PITPNM3: variants seen among roughly 807,000 people sequenced by gnomAD.
The protein encoded by PITPNM3 is PITPNM family member 3, also known as membrane-associated phosphatidylinositol transfer protein 3.
Under a neutral mutation model 102.0 loss-of-function variants are expected in PITPNM3, and 26 were observed. That is an observed-to-expected ratio of 0.25 (90% CI 0.19 to 0.35). The LOEUF (loss-of-function observed/expected upper bound fraction) is 0.35. Ranked by LOEUF, PITPNM3 falls within the 10% of genes least tolerant of loss-of-function variation. The pLI is 1.00. For missense variants in PITPNM3, 1,083 were observed against 1,346.1 expected (o/e 0.80, Z 3.06); for synonymous variants, 578 against 558.6 (o/e 1.03, Z -0.49).
intron 4 of PITPNM3, among the ~76,000 whole-genome samples, chr17:6,490,209 C>T (rs1906372595): frequency 6.6e-6 from 1 of 152,010 alleles, no homozygotes; most frequent in Admixed American, 6.6e-5. Context: ...CAGGTGAGCC[C>T]GCATGACACA....
intron 19 of PITPNM3, among the ~76,000 whole-genome samples, chr17:6,456,247 A>G (rs1217737729): frequency 6.6e-6 from 1 of 151,794 alleles, no homozygotes; most frequent in Non-Finnish European, 1.5e-5. Flanking sequence ...CTGGCCTTGA[A>G]CCCTGGGCTC....
At chr17:6,497,381 C>T (rs1056068656) in intron 4 of PITPNM3, among the ~76,000 whole-genome samples, 1 of 152,192 alleles carries the variant, frequency 6.6e-6, no homozygotes, top group Non-Finnish European at 1.5e-5. Flanking sequence ...GTGAGCTGAG[C>T]CATCTACATC....
chr17:6,485,450 GCCT>G lies in PITPNM3; in HGVS notation c.275-1161_275-1159del, dbSNP rs1247255068. On this transcript the variant is annotated intron_variant, in intron 4 of 19. Coordinates refer to ENST00000262483, the MANE Select transcript of PITPNM3 (RefSeq NM_031220.4). Reference sequence around the variant, plus strand: ...TGGGATTACAGGAGTGAGCCACCATGCCTGGCCAATAAGTCTCTTTTTATACAT... The same window carrying G: ...TGGGATTACAGGAGTGAGCCACCATGGGCCAATAAGTCTCTTTTTATACAT... Among the ~76,000 whole-genome samples the G allele has an allele frequency of 5.9e-5, 9 of 152,184 alleles. No homozygotes were observed. The South Asian group carries it at 1.5e-3, about 25-fold the overall frequency.
chr17:6,457,974 G>A lies in PITPNM3; in HGVS notation c.2491-252C>T, dbSNP rs988574649. Among the ~76,000 whole-genome samples, 7 of 152,186 alleles carry A rather than the reference G, an allele frequency of 4.6e-5. No homozygotes were observed. The highest frequency in any genetic ancestry group is 5.9e-5 in the Non-Finnish European group (4 of 68,022). On this transcript the variant is annotated intron_variant, in intron 18 of 19. Coordinates refer to ENST00000262483, the MANE Select transcript of PITPNM3 (RefSeq NM_031220.4). The surrounding 1 kb of genome is among the most constrained non-coding windows in gnomAD (Gnocchi z 4.7). ...CCATTTACCGGCCCCGCCTCCAACA[G>A]CAGTACACTCAGGTTAAGTAATAAT...
intron 3 of PITPNM3, among the ~76,000 whole-genome samples, chr17:6,514,744 C>T (rs1275030000): frequency 1.3e-5 from 2 of 152,200 alleles, no homozygotes; most frequent in Admixed American, 6.5e-5. Flanking sequence ...AGCAATTCCA[C>T]TCCTATGTAT....
At chr17:6,543,948 T>A (rs367732987) in intron 1 of PITPNM3, among the ~76,000 whole-genome samples, 48 of 152,294 alleles carry the variant, frequency 3.2e-4, no homozygotes, top group African/African-American at 9.9e-4. Flanking sequence ...AAGCTGGATC[T>A]AGAACTTTCT....
chr17:6,478,782 T>C lies in PITPNM3; in HGVS notation c.588-46A>G, dbSNP rs188275329. On this transcript the variant is annotated intron_variant, in intron 6 of 19. Transcript: ENST00000262483. The surrounding 1 kb of genome is among the most constrained non-coding windows in gnomAD (Gnocchi z 4.4). ...GTGAGCCCAGCCAGGATCGGGCAGGTTGGCAGGTTTGGGGCTGAGGATCAG... is the reference window on the plus strand; with the variant it reads ...GTGAGCCCAGCCAGGATCGGGCAGGCTGGCAGGTTTGGGGCTGAGGATCAG... The C allele has an allele frequency of 1.1e-5, 16 of 1,515,672 alleles. No individual in the cohort carries two copies. In the East Asian group the frequency reaches 3.9e-4, roughly 37 times the overall value. 93.9% of individuals were successfully genotyped at this position (1,515,672 alleles called of 1,614,324 possible). A position where few individuals can be genotyped will look rare whatever the true frequency, so the allele number is the denominator to read the frequency against.
rs1490830877 is a variant in PITPNM3, at chr17:6,519,181, C to CAAAAAAAAACAAAAAACA, written c.226+6174_226+6175insTGTTTTTTGTTTTTTTTT. ...TGAAACCCCGTCTCTACTAAAAATA[C>CAAAAAAAAACAAAAAACA]AAAAAATTAGCCGGGCGCGGTGGCG... On this transcript the variant is annotated intron_variant, in intron 3 of 19. Transcript: ENST00000262483. 8.6e-4 allele frequency among the ~76,000 whole-genome samples: 62 copies of CAAAAAAAAACAAAAAACA among 72,386 alleles called. 4 individuals carry two copies. The highest frequency in any genetic ancestry group is 3.6e-3 in the African/African-American group (61 of 17,008). 47.5% of individuals were successfully genotyped at this position (72,386 alleles called of 152,430 possible).
At chr17:6,507,658 C>G (rs1418842945) in intron 3 of PITPNM3, among the ~76,000 whole-genome samples, 2 of 152,134 alleles carry the variant, frequency 1.3e-5, no homozygotes, top group Non-Finnish European at 2.9e-5. Flanking sequence ...AACCCAATAC[C>G]TGCAGCCCTC....
chr17:6,526,684 C>T (rs1051098675), intron 2 of PITPNM3, among the ~76,000 whole-genome samples: 2 of 152,202 alleles, frequency 1.3e-5, no homozygotes, highest in African/African-American at 4.8e-5. Context: ...CGTTACCATA[C>T]ACTGAGATTA....
chr17:6,540,763 AT>A (rs1909687961), intron 1 of PITPNM3, among the ~76,000 whole-genome samples: 1 of 152,246 alleles, frequency 6.6e-6, no homozygotes, highest in Admixed American at 6.5e-5. Flanking sequence ...GGTTCAAGAG[AT>A]TCTCCTGCCT....
intron 19 of PITPNM3, among the ~76,000 whole-genome samples, chr17:6,456,008 C>T (rs1293330195): frequency 2.0e-5 from 3 of 151,778 alleles, no homozygotes; most frequent in Non-Finnish European, 2.9e-5. Flanking sequence ...GATTTTCTTT[C>T]CTATTTTATT....
chr17:6,482,138 C>T (rs776117188), intron 6 of PITPNM3, among the ~76,000 whole-genome samples: 2 of 150,210 alleles, frequency 1.3e-5, no homozygotes, highest in African/African-American at 4.9e-5. Context: ...CTCTGATCTC[C>T]GTTGTCTGAT....
chr17:6,546,825 C>T (rs757837510), intron 1 of PITPNM3, among the ~76,000 whole-genome samples: 16 of 152,074 alleles, frequency 1.1e-4, no homozygotes, highest in Admixed American at 5.2e-4. Flanking sequence ...GCCAACAGGG[C>T]GAAACCCCAT....
At chr17:6,467,070 A>AAAAAAAAAAC (rs1555551342) in intron 14 of PITPNM3, among the ~76,000 whole-genome samples, 2 of 26,904 alleles carry the variant, frequency 7.4e-5, no homozygotes, top group African/African-American at 2.0e-4. Context: ...CTCAAAACAA[A>AAAAAAAAAAC]AAAAAAAAAC....
chr17:6,467,469 T>A (rs1465082690), intron 14 of PITPNM3, among the ~76,000 whole-genome samples: 1 of 152,236 alleles, frequency 6.6e-6, no homozygotes, highest in Non-Finnish European at 1.5e-5. Flanking sequence ...ATCCACTGAA[T>A]TGTACTATCT....
chr17:6,471,331 G>A lies in PITPNM3; in HGVS notation c.1454C>T (p.Pro485Leu). 2 of 1,605,264 alleles carry A rather than the reference G, an allele frequency of 1.2e-6. No homozygotes were observed. Among genetic ancestry groups the A allele is most frequent in the Non-Finnish European group, 1.7e-6 (2 of 1,177,294 alleles). ...CCGGGAGCTGCCCTCCAGGAAGAGG[G>A]GGCTGTGGGTGTGTAGGGCATCAGC... ...LLADALHTHSPLFLEGSSRDS... is the reference protein window; with the variant it reads ...LLADALHTHSLLFLEGSSRDS... Residue 485 changes from proline to leucine, a missense_variant, in exon 12 of 20, where the codon CCC becomes CTC. Around this residue, in one of 5 missense-constraint regions of PITPNM3, gnomAD observed 410 missense variants for 638.4 expected, o/e 0.64. Coordinates refer to ENST00000262483, the MANE Select transcript of PITPNM3 (RefSeq NM_031220.4).
intron 2 of PITPNM3, among the ~76,000 whole-genome samples, chr17:6,530,847 G>C (rs1353602095): frequency 6.6e-6 from 1 of 152,212 alleles, no homozygotes; most frequent in Non-Finnish European, 1.5e-5. Flanking sequence ...TCCCATTCAA[G>C]TGAGGGAATG....
At chr17:6,482,712 G>C (rs754586454) in intron 6 of PITPNM3, among the ~76,000 whole-genome samples, 19 of 152,184 alleles carry the variant, frequency 1.2e-4, no homozygotes, top group African/African-American at 1.7e-4. Flanking sequence ...AATTGAATTG[G>C]AGGGCACCCA....
Sources: allele counts gnomAD v4.1 joint callset (sites outside exome capture counted in the v4.1 genomes callset), GRCh38; gene constraint gnomAD v4.1.1; regional missense constraint gnomAD v4.1.1; non-coding constraint Gnocchi (gnomAD v3.1); transcripts MANE v1.5; gene names NCBI Gene and HGNC (gene_info 2026-07-23, HGNC 2026-07-21).